Variants in HACD2 observed in about 807,000 individuals in gnomAD.
HACD2 encodes 3-hydroxyacyl-CoA dehydratase 2.
In HACD2, 15 loss-of-function variants were observed where a neutral mutation model predicts 31.0. The observed-to-expected ratio is 0.48, with a 90% confidence interval of 0.32 to 0.75. The LOEUF is 0.75. HACD2 is among the 30% of genes least tolerant of loss of function. The pLI is 0.03. For synonymous variants in HACD2, 115 were observed against 122.2 expected, an observed-to-expected ratio of 0.94 and a Z score of 0.39; for missense variants, 283 against 313.0, an observed-to-expected ratio of 0.90 and a Z score of 0.72.
intron 4 of HACD2, among the ~76,000 whole-genome samples, chr3:123,515,755 G>A (rs1000636093): frequency 6.6e-6 from 1 of 152,006 alleles, no homozygotes; most frequent in Non-Finnish European, 1.5e-5. Flanking sequence ...GAGTATGTTG[G>A]GGTTTTTTGT....
At chr3:123,560,247 C>G (rs1278726511) in intron 3 of HACD2, among the ~76,000 whole-genome samples, 3 of 152,214 alleles carry the variant, frequency 2.0e-5, no homozygotes, top group African/African-American at 7.2e-5. Context: ...GGCTACTAAG[C>G]TGGTCTGGTC....
chr3:123,536,649 G>T lies in HACD2; in HGVS notation c.293-8175C>A, dbSNP rs142667413. On this transcript the variant is annotated intron_variant, in intron 3 of 6. Coordinates refer to ENST00000383657, the MANE Select transcript of HACD2 (RefSeq NM_198402.5). Reference sequence around the variant, plus strand: ...TTCCACATAACAACTGATAGTGAATGACTAAAACTGAGAAATTTCTTGGTT... The same window carrying T: ...TTCCACATAACAACTGATAGTGAATTACTAAAACTGAGAAATTTCTTGGTT... 3.6e-3 allele frequency among the ~76,000 whole-genome samples: 548 copies of T among 152,286 alleles called. 4 individuals are homozygous for T. The highest frequency in any genetic ancestry group is 4.2e-3 in the Non-Finnish European group (288 of 68,026).
Position 123,574,853 on chromosome 3 carries a change from G to A in HACD2, c.274-7073C>T, listed in dbSNP as rs1211193348. On this transcript the variant is annotated intron_variant, in intron 2 of 6. Coordinates refer to ENST00000383657, the MANE Select transcript of HACD2 (RefSeq NM_198402.5). ...TGCAATTGTGCTTTTATTCCCTATT[G>A]ATTTTCCTAATCTGAAAACATCAGC... 3.3e-5 allele frequency among the ~76,000 whole-genome samples: 5 copies of A among 151,896 alleles called. No individual in the cohort carries two copies. In the South Asian group the frequency reaches 8.3e-4, roughly 25 times the overall value.
intron 2 of HACD2, among the ~76,000 whole-genome samples, chr3:123,570,838 G>C (rs2056846840): frequency 6.6e-6 from 1 of 151,944 alleles, no homozygotes; most frequent in East Asian, 1.9e-4. Flanking sequence ...TTGTTTAACA[G>C]GGGATACTTT....
chr3:123,533,428 C>T (rs7616198), intron 3 of HACD2, among the ~76,000 whole-genome samples: 16,519 of 152,288 alleles, frequency 0.11, 1,408 homozygotes, highest in African/African-American at 0.24. Context: ...GGATTACAGG[C>T]ATGTGCCTGG....
Position 123,533,443 on chromosome 3 carries a change from T to G in HACD2, c.293-4969A>C, listed in dbSNP as rs114101907. 3.7e-3 allele frequency among the ~76,000 whole-genome samples: 563 copies of G among 152,348 alleles called. 3 individuals are homozygous for G. The highest frequency in any genetic ancestry group is 0.013 in the African/African-American group (536 of 41,584). On this transcript the variant is annotated intron_variant, in intron 3 of 6. Transcript: ENST00000383657. ...GGATTACAGGCATGTGCCTGGCAGA[T>G]AGATCCTCTTTCTTTCTGGCACTTC...
At chr3:123,559,869 G>A (rs1353408563) in intron 3 of HACD2, among the ~76,000 whole-genome samples, 1 of 152,192 alleles carries the variant, frequency 6.6e-6, no homozygotes, top group African/African-American at 2.4e-5. Flanking sequence ...CTTGGGTGCT[G>A]CTCACTGAGT....
intron 3 of HACD2, 118 bp downstream of exon 3, chr3:123,567,644 G>T: frequency 3.1e-6 from 2 of 651,026 alleles, no homozygotes; most frequent in Non-Finnish European, 4.8e-6. Flanking sequence ...TTTCATACAT[G>T]ATGACTAAAT....
At chr3:123,578,328 T>C (rs2056929895) in intron 2 of HACD2, among the ~76,000 whole-genome samples, 1 of 152,190 alleles carries the variant, frequency 6.6e-6, no homozygotes, top group Non-Finnish European at 1.5e-5. Flanking sequence ...TGGAGTGCAG[T>C]GGCACGATCA....
intron 3 of HACD2, chr3:123,543,858 A>G (rs1346315144): frequency 5.5e-6 from 1 of 181,778 alleles, no homozygotes; most frequent in Non-Finnish European, 1.2e-5. Context: ...TTTGTCTAAT[A>G]AGTAATGTTA....
intron 3 of HACD2, among the ~76,000 whole-genome samples, chr3:123,532,251 T>A (rs2056371566): frequency 6.6e-6 from 1 of 152,184 alleles, no homozygotes. Flanking sequence ...CTCGCCTACT[T>A]AGACACCTTA....
intron 2 of HACD2, among the ~76,000 whole-genome samples, chr3:123,579,185 T>C (rs2056938920): frequency 6.6e-6 from 1 of 152,226 alleles, no homozygotes; most frequent in Non-Finnish European, 1.5e-5. Flanking sequence ...AGGCTAATCC[T>C]TCAAAGTCTA....
intron 3 of HACD2, among the ~76,000 whole-genome samples, chr3:123,549,655 GAA>G (rs2056597663): frequency 6.6e-6 from 1 of 152,134 alleles, no homozygotes; most frequent in African/African-American, 2.4e-5. Context: ...GGCTGAGGTG[GAA>G]AGATTGCTTG....
At chr3:123,566,963 T>C (rs2056798827) in intron 3 of HACD2, among the ~76,000 whole-genome samples, 2 of 152,190 alleles carry the variant, frequency 1.3e-5, no homozygotes, top group African/African-American at 4.8e-5. Flanking sequence ...TCCCTGAATA[T>C]AGCAACTACC....
intron 4 of HACD2, among the ~76,000 whole-genome samples, chr3:123,520,944 C>A (rs1409468158): frequency 6.6e-6 from 1 of 152,140 alleles, no homozygotes; most frequent in African/African-American, 2.4e-5. Context: ...ATGATTTTTT[C>A]TTCCTTCACT....
chr3:123,538,354 T>C (rs1217946823), intron 3 of HACD2, among the ~76,000 whole-genome samples: 1 of 152,228 alleles, frequency 6.6e-6, no homozygotes, highest in Non-Finnish European at 1.5e-5. Context: ...TTCTGAAATA[T>C]GTACTAAACT....
chr3:123,532,392 G>A (rs1339304399), intron 3 of HACD2, among the ~76,000 whole-genome samples: 1 of 152,158 alleles, frequency 6.6e-6, no homozygotes, highest in Non-Finnish European at 1.5e-5. Flanking sequence ...CGAAATGCCT[G>A]CTCTACTGGA....
intron 3 of HACD2, among the ~76,000 whole-genome samples, chr3:123,532,288 C>T (rs992189586): frequency 6.6e-6 from 1 of 152,182 alleles, no homozygotes; most frequent in African/African-American, 2.4e-5. Flanking sequence ...GTCATTCAGA[C>T]CAACTGTCAC....
At chr3:123,497,195 T>C (rs1345271098) in intron 6 of HACD2, among the ~76,000 whole-genome samples, 1 of 152,250 alleles carries the variant, frequency 6.6e-6, no homozygotes, top group Admixed American at 6.5e-5. Context: ...GCTTTTCAGA[T>C]GCACGGCTGC....
Sources: gnomAD v4.1 joint callset for allele counts (sites outside exome capture counted in the v4.1 genomes callset) on GRCh38, gnomAD v4.1.1 for gene constraint, MANE v1.5 for transcripts, NCBI Gene and HGNC (gene_info 2026-07-23, HGNC 2026-07-21) for gene names.